The following PACRGL variants were observed in gnomAD, a reference collection of about 807,000 sequenced individuals.
PACRGL encodes parkin coregulated like.
A neutral mutation model predicts 34.5 loss-of-function variants in PACRGL; 38 were observed. The observed-to-expected ratio is 1.10, with a 90% CI of 0.85 to 1.44. The LOEUF (loss-of-function observed/expected upper bound fraction) is 1.44. Ranked by LOEUF, PACRGL falls within the 40% of genes most tolerant of loss-of-function variation. The pLI is 0.00. For synonymous variants in PACRGL, 128 were observed against 100.1 expected (o/e 1.28, Z -1.66); for missense variants, 305 against 281.4 (o/e 1.08, Z -0.60).
At position 20,727,480 on chromosome 4, in the gene PACRGL, C is replaced by G. The variant is rs145894825; in HGVS notation, c.*139C>G. Reference sequence around the variant, plus strand: ...AGGTTAAGATGAATAGACACTGAATCAAAGTTATTCATCAACAAAAAAGAA... The same window carrying G: ...AGGTTAAGATGAATAGACACTGAATGAAAGTTATTCATCAACAAAAAAGAA... On this transcript the variant is annotated 3_prime_UTR_variant, in exon 9 of 9. Transcript: ENST00000503585. The G allele has an allele frequency of 1.8e-3, 1,111 of 600,586 alleles. 10 individuals are homozygous for G. The highest frequency in any genetic ancestry group is 0.018 in the Middle Eastern group (60 of 3,408). The allele number at this position is 600,586 out of a possible 1,614,324, so 37.2% of individuals were successfully genotyped here.
At chr4:20,725,709 C>T (rs890933792) in intron 8 of PACRGL, among the ~76,000 whole-genome samples, 1 of 152,016 alleles carries the variant, frequency 6.6e-6, no homozygotes, top group Non-Finnish European at 1.5e-5. Flanking sequence ...AAATGGCAGA[C>T]ATAAAGCTTT....
chr4:20,742,324 T>C lies in PACRGL; in HGVS notation c.*57-10241T>C, dbSNP rs1469269180. On this transcript the variant is annotated intron_variant, in intron 8 of 8. Transcript: ENST00000507634. ...ATCGATGCAAAAATCCTCAATAAAA[T>C]ATTAGCAAACCGAATCCAGCAGCAC... 3.3e-5 allele frequency among the ~76,000 whole-genome samples: 5 copies of C among 152,178 alleles called. No homozygotes were observed. In the East Asian group the frequency reaches 7.7e-4, roughly 23 times the overall value.
chr4:20,707,263 T>C (rs1734933074), intron 3 of PACRGL, among the ~76,000 whole-genome samples: 2 of 152,186 alleles, frequency 1.3e-5, no homozygotes, highest in Admixed American at 6.5e-5. Flanking sequence ...TATTCATATA[T>C]AGCAAAACTG....
At chr4:20,713,259 C>T (rs1738169449) in intron 6 of PACRGL, 173 bp from the exon 7 acceptor site, 2 of 588,330 alleles carry the variant, frequency 3.4e-6, no homozygotes, top group Admixed American at 6.7e-5. Context: ...TCTAGATGTC[C>T]TGTGTTGAAG....
downstream of PACRGL, among the ~76,000 whole-genome samples, chr4:20,736,881 A>C (rs1437043604): frequency 6.6e-6 from 1 of 152,210 alleles, no homozygotes; most frequent in Non-Finnish European, 1.5e-5. Context: ...AACTTGGAGG[A>C]CTCACACTGC....
chr4:20,749,517 A>G, intron 8 of PACRGL: 1 of 524,884 alleles, frequency 1.9e-6, no homozygotes, highest in South Asian at 3.1e-5. Context: ...TTGAAAGATA[A>G]TTTTTGGCAA....
At chr4:20,726,194 G>A (rs73805129) in intron 8 of PACRGL, among the ~76,000 whole-genome samples, 1 of 152,034 alleles carries the variant, frequency 6.6e-6, no homozygotes, top group Non-Finnish European at 1.5e-5. Context: ...GATAGTATAT[G>A]TGTAAATAAA....
rs573062862 is a variant in PACRGL at position 20,717,727 on chromosome 4, G to A, written c.609+4188G>A. On this transcript the variant is annotated intron_variant, in intron 7 of 8. Coordinates refer to ENST00000503585, the MANE Select transcript of PACRGL (RefSeq NM_001258345.3). ...TAGGTACCAGTACCATGCTGTTCTG[G>A]TTACTGTAGCCTTGTAGTATAGTTT... Among the ~76,000 whole-genome samples, 5 of 152,264 alleles carry A rather than the reference G, an allele frequency of 3.3e-5. No homozygotes were observed. The East Asian group carries it at 9.7e-4, about 29-fold the overall frequency.
chr4:20,743,527 C>T (rs1220622931), intron 8 of PACRGL, among the ~76,000 whole-genome samples: 2 of 152,082 alleles, frequency 1.3e-5, no homozygotes, highest in Non-Finnish European at 2.9e-5. Context: ...GGAAAGGATT[C>T]CCTATTTAAT....
downstream of PACRGL, among the ~76,000 whole-genome samples, chr4:20,736,041 AG>A (rs1749553930): frequency 2.0e-5 from 3 of 152,188 alleles, no homozygotes; most frequent in African/African-American, 7.2e-5. Context: ...TTTTTAAATA[AG>A]TAACATCCAT....
At chr4:20,705,260 G>A (rs1734011136) in intron 3 of PACRGL, among the ~76,000 whole-genome samples, 1 of 152,120 alleles carries the variant, frequency 6.6e-6, no homozygotes, top group Admixed American at 6.6e-5. Context: ...ACAATTTAAT[G>A]AGATTTAATA....
At chr4:20,714,257 CTTCT>C (rs1449621568) in intron 7 of PACRGL, among the ~76,000 whole-genome samples, 3 of 152,102 alleles carry the variant, frequency 2.0e-5, no homozygotes, top group African/African-American at 7.2e-5. Flanking sequence ...ATGTAATGGC[CTTCT>C]TTGTCTCTTT....
At chr4:20,758,288 G>A in the PACRGL span, among the ~76,000 whole-genome samples, 4 of 152,018 alleles carry the variant, frequency 2.6e-5, no homozygotes, top group Admixed American at 2.0e-4. Flanking sequence ...TCAGATGAGG[G>A]AGCACAGTAA....
chr4:20,709,485 G>C (rs918787027), intron 4 of PACRGL, among the ~76,000 whole-genome samples, 198 bp from the exon 5 acceptor site: 2 of 152,106 alleles, frequency 1.3e-5, no homozygotes, highest in African/African-American at 4.8e-5. Flanking sequence ...ACACATGTGG[G>C]TCACTTTTGC....
chr4:20,758,142 G>A, the PACRGL span, among the ~76,000 whole-genome samples: 2 of 152,096 alleles, frequency 1.3e-5, no homozygotes, highest in East Asian at 3.9e-4. Context: ...GCATCTGTTA[G>A]GTAATTGAAA....
rs1736203500 is a variant in PACRGL at position 20,709,704 on chromosome 4, A to G, written c.297A>G (p.Lys99=). 2 of 1,607,524 alleles carry G rather than the reference A, an allele frequency of 1.2e-6. No homozygotes were observed. Among genetic ancestry groups the G allele is most frequent in the Admixed American group, 1.7e-5 (1 of 59,702 alleles). ...TTAGATTGGTACATGGTTCAGTAAA[A>G]CACAGATTACAGTGGGAATGTCCTC... ...IPCRLVHGSV[K]HRLQWECPPE... Residue 99 remains lysine, a synonymous_variant, in exon 5 of 9, where the codon AAA becomes AAG. Transcript: ENST00000503585.
chr4:20,705,586 T>C (rs1734145278), intron 3 of PACRGL, among the ~76,000 whole-genome samples: 1 of 152,094 alleles, frequency 6.6e-6, no homozygotes, highest in Non-Finnish European at 1.5e-5. Flanking sequence ...GTCAAGGAAA[T>C]TGAATACCTG....
chr4:20,733,601 TAGACAC>T (rs1391394907), downstream of PACRGL, among the ~76,000 whole-genome samples: 1 of 152,184 alleles, frequency 6.6e-6, no homozygotes, highest in Non-Finnish European at 1.5e-5. Flanking sequence ...AGTAGTTTGT[TAGACAC>T]AGGCAGAATT....
the PACRGL span, among the ~76,000 whole-genome samples, chr4:20,764,707 C>CA: frequency 6.6e-6 from 1 of 151,312 alleles, no homozygotes; most frequent in Non-Finnish European, 1.5e-5. Context: ...CACACACACA[C>CA]AACCCCATGA....
Sources: gnomAD v4.1 joint callset for allele counts (sites outside exome capture counted in the v4.1 genomes callset) on GRCh38, gnomAD v4.1.1 for gene constraint, MANE v1.5 for transcripts, NCBI Gene and HGNC (gene_info 2026-07-23, HGNC 2026-07-21) for gene names.